Variants in SGCZ observed in about 807,000 individuals in gnomAD.
The protein encoded by SGCZ is sarcoglycan zeta, also known as zeta-sarcoglycan.
A neutral mutation model predicts 41.3 loss-of-function variants in SGCZ; 40 were observed. The observed-to-expected ratio is 0.97, with a 90% CI of 0.75 to 1.26. The LOEUF (loss-of-function observed/expected upper bound fraction) is 1.26. SGCZ is among the 50% of genes most tolerant of loss of function. SGCZ has a pLI of 0.00. For synonymous variants in SGCZ, 206 were observed against 137.5 expected (o/e 1.50, Z -3.49); for missense variants, 552 against 369.8 (o/e 1.49, Z -4.04).
chr8:14,616,447 T>C (rs142646690), intron 1 of SGCZ, among the ~76,000 whole-genome samples: 9 of 152,314 alleles, frequency 5.9e-5, no homozygotes, highest in Non-Finnish European at 1.3e-4. Flanking sequence ...TTTGTATTTT[T>C]ACTAGTAGGT....
intron 3 of SGCZ, among the ~76,000 whole-genome samples, chr8:14,284,460 T>G (rs7004371): frequency 2.0e-5 from 3 of 152,328 alleles, no homozygotes; most frequent in Non-Finnish European, 4.4e-5. Context: ...TTGGTGGATG[T>G]GCACATATAT....
intron 1 of SGCZ, among the ~76,000 whole-genome samples, chr8:14,782,128 A>T (rs1800609111): frequency 6.6e-6 from 1 of 152,208 alleles, no homozygotes; most frequent in African/African-American, 2.4e-5. Context: ...TTCCTTGTCT[A>T]TAAAATGAAA....
intron 1 of SGCZ, among the ~76,000 whole-genome samples, chr8:15,118,796 C>T (rs1807369316): frequency 6.6e-6 from 1 of 152,080 alleles, no homozygotes; most frequent in Admixed American, 6.5e-5. Flanking sequence ...TTATTTTCCC[C>T]ATTTGATAGC....
chr8:14,579,938 G>A (rs559542197), intron 1 of SGCZ, among the ~76,000 whole-genome samples: 1 of 152,124 alleles, frequency 6.6e-6, no homozygotes, highest in Non-Finnish European at 1.5e-5. Context: ...TTTAAGATTA[G>A]TATATTTGTT....
chr8:15,140,846 T>C (rs191685858), intron 1 of SGCZ, among the ~76,000 whole-genome samples: 1 of 152,188 alleles, frequency 6.6e-6, no homozygotes, highest in African/African-American at 2.4e-5. Context: ...CTCAGTAGTA[T>C]TGAACACTAA....
At chr8:14,170,219 TTTAA>T (rs1234590371) in intron 4 of SGCZ, among the ~76,000 whole-genome samples, 1 of 152,086 alleles carries the variant, frequency 6.6e-6, no homozygotes, top group Non-Finnish European at 1.5e-5. Flanking sequence ...ATCCTCAGTA[TTTAA>T]TTAAAAGAAA....
chr8:15,126,770 G>T (rs62499785), intron 1 of SGCZ, among the ~76,000 whole-genome samples: 86 of 152,188 alleles, frequency 5.7e-4, no homozygotes, highest in Non-Finnish European at 9.7e-4. Flanking sequence ...ACTGCCTGTG[G>T]CTAAGGATGA....
chr8:14,797,685 G>C (rs1801180442), intron 1 of SGCZ, among the ~76,000 whole-genome samples: 1 of 152,222 alleles, frequency 6.6e-6, no homozygotes, highest in South Asian at 2.1e-4. Context: ...TCCAAGGCAT[G>C]TCAGAGACCT....
chr8:14,274,535 T>C (rs1176269945), intron 3 of SGCZ, among the ~76,000 whole-genome samples: 2 of 152,190 alleles, frequency 1.3e-5, no homozygotes, highest in East Asian at 1.9e-4. Context: ...TATATTTTTC[T>C]AGTGCTATAA....
chr8:14,553,915 T>G (rs975927178), intron 2 of SGCZ, among the ~76,000 whole-genome samples: 1 of 152,016 alleles, frequency 6.6e-6, no homozygotes, highest in Non-Finnish European at 1.5e-5. Context: ...TGCTTGTATG[T>G]GGAGATATCT....
At chr8:14,602,890 A>T (rs542459826) in intron 1 of SGCZ, among the ~76,000 whole-genome samples, 1 of 152,196 alleles carries the variant, frequency 6.6e-6, no homozygotes, top group Non-Finnish European at 1.5e-5. Flanking sequence ...TAAAGGAAGT[A>T]ACACTATCAA....
chr8:14,508,800 C>A (rs1585610496), intron 2 of SGCZ, among the ~76,000 whole-genome samples: 1 of 152,098 alleles, frequency 6.6e-6, no homozygotes, highest in East Asian at 1.9e-4. Flanking sequence ...GAATATTCTT[C>A]AATTGCTCTG....
chr8:14,299,098 G>C (rs187517142), intron 3 of SGCZ, among the ~76,000 whole-genome samples: 1 of 151,968 alleles, frequency 6.6e-6, no homozygotes, highest in East Asian at 1.9e-4. Flanking sequence ...AGAAAGAAAA[G>C]TCTTTTAAAC....
chr8:15,062,053 T>C (rs561575972), intron 1 of SGCZ, among the ~76,000 whole-genome samples: 2 of 152,332 alleles, frequency 1.3e-5, no homozygotes, highest in South Asian at 4.1e-4. Context: ...AACTGGAATA[T>C]CTACTCTTCA....
intron 2 of SGCZ, among the ~76,000 whole-genome samples, chr8:14,487,379 G>A (rs1801704221): frequency 6.6e-6 from 1 of 151,770 alleles, no homozygotes; most frequent in African/African-American, 2.4e-5. Flanking sequence ...AATATATTAT[G>A]AGACAAATGA....
rs1384166979 is a variant in SGCZ at position 14,499,980 on chromosome 8, A to G, written c.234+54752T>C. On this transcript the variant is annotated intron_variant, in intron 2 of 7. Transcript: ENST00000382080. Reference sequence around the variant, plus strand: ...CTACCACCTACTGTCTTACAAAAAAAAACTTTAAAAAATGAAGGGACATTT... The same window carrying G: ...CTACCACCTACTGTCTTACAAAAAAGAACTTTAAAAAATGAAGGGACATTT... Among the ~76,000 whole-genome samples, 3 of 152,122 alleles carry G rather than the reference A, an allele frequency of 2.0e-5. No homozygotes were observed. The East Asian group carries it at 5.8e-4, about 29-fold the overall frequency.
rs763809269 is a variant in SGCZ, at chr8:14,237,551, A to G, written c.424+41T>C. 20 of 1,558,302 alleles carry G rather than the reference A, an allele frequency of 1.3e-5. 1 individual carries two copies. In the South Asian group the frequency reaches 2.1e-4, roughly 16 times the overall value. ...AAAACCAAAAACAACAACAAAAAAA[A>G]CCAAGCACAGTAGGAGCAATCTTTA... On this transcript the variant is annotated intron_variant, in intron 4 of 7. Coordinates refer to ENST00000382080, the MANE Select transcript of SGCZ (RefSeq NM_139167.4).
chr8:14,440,535 TA>T (rs1800219377), intron 2 of SGCZ, among the ~76,000 whole-genome samples: 1 of 152,018 alleles, frequency 6.6e-6, no homozygotes, highest in Non-Finnish European at 1.5e-5. Context: ...AAGAGAAAAA[TA>T]AAATCATCAC....
At chr8:14,828,938 T>C (rs1297683142) in intron 1 of SGCZ, among the ~76,000 whole-genome samples, 2 of 148,850 alleles carry the variant, frequency 1.3e-5, no homozygotes, top group East Asian at 2.0e-4. Context: ...AGTCCTGATA[T>C]GGCTCCTTTG....
Sources: gnomAD v4.1 joint callset for allele counts (sites outside exome capture counted in the v4.1 genomes callset) on GRCh38, gnomAD v4.1.1 for gene constraint, MANE v1.5 for transcripts, NCBI Gene and HGNC (gene_info 2026-07-23, HGNC 2026-07-21) for gene names.